SNTG2: variants seen among roughly 807,000 people sequenced by gnomAD.
SNTG2 encodes syntrophin gamma 2.
SNTG2 carries 74 observed loss-of-function variants against 70.9 expected under a neutral mutation model. That is an observed-to-expected ratio of 1.04 (90% CI 0.86 to 1.27). The LOEUF is 1.27. Among genes scored for constraint, SNTG2 ranks in the 50% most tolerant of loss-of-function variants. SNTG2 has a pLI of 0.00. For synonymous variants in SNTG2, 278 were observed against 273.8 expected (o/e 1.02, Z -0.15); for missense variants, 717 against 690.7 (o/e 1.04, Z -0.43).
intron 9 of SNTG2, among the ~76,000 whole-genome samples, chr2:1,215,808 G>A (rs182987587): frequency 6.7e-6 from 1 of 149,996 alleles, no homozygotes; most frequent in East Asian, 2.0e-4. Flanking sequence ...TGCAGTGTTT[G>A]GTTTTTTGTC....
At chr2:1,120,268 T>C (rs954944725) in intron 4 of SNTG2, among the ~76,000 whole-genome samples, 1 of 152,180 alleles carries the variant, frequency 6.6e-6, no homozygotes, top group Non-Finnish European at 1.5e-5. Context: ...TTATTACTTA[T>C]CTATCAATAA....
chr2:1,082,650 C>T, intron 1 of SNTG2, among the ~76,000 whole-genome samples: 1 of 152,220 alleles, frequency 6.6e-6, no homozygotes, highest in Non-Finnish European at 1.5e-5. Context: ...CTGGCTGCCA[C>T]CCCTGCTCCT....
chr2:1,161,844 G>GT lies in SNTG2; in HGVS notation c.412-3704_412-3703insT, dbSNP rs765252984. ...AATCCCAGCAGTTTGGGAGGCCGAGGCGGGCGGATCACGAGGTCAGGAGAT... is the reference window on the plus strand; with the variant it reads ...AATCCCAGCAGTTTGGGAGGCCGAGGTCGGGCGGATCACGAGGTCAGGAGAT... On this transcript the variant is annotated intron_variant, in intron 6 of 16. Transcript: ENST00000308624. Among the ~76,000 whole-genome samples the GT allele has an allele frequency of 9.5e-3, 1,453 of 152,256 alleles. 13 individuals are homozygous for GT. The highest frequency in any genetic ancestry group is 0.017 in the Non-Finnish European group (1,149 of 68,022).
intron 14 of SNTG2, among the ~76,000 whole-genome samples, chr2:1,299,697 C>T (rs1445178794): frequency 6.6e-6 from 1 of 152,206 alleles, no homozygotes; most frequent in African/African-American, 2.4e-5. Context: ...TGGAGCACAA[C>T]TGCAATGCTG....
Position 1,072,733 on chromosome 2 carries a change from A to T in SNTG2, c.73-10785A>T, listed in dbSNP as rs574111168. Among the ~76,000 whole-genome samples, 4 of 152,254 alleles carry T rather than the reference A, an allele frequency of 2.6e-5. No individual in the cohort carries two copies. In the East Asian group the frequency reaches 7.7e-4, roughly 29 times the overall value. On this transcript the variant is annotated intron_variant, in intron 1 of 16. Coordinates refer to ENST00000308624, the MANE Select transcript of SNTG2 (RefSeq NM_018968.4). ...TCATAAAGTTATAGCCGCCATGGAGAGTGATTCCTCTGATGGATCTGGGCA... is the reference window on the plus strand; with the variant it reads ...TCATAAAGTTATAGCCGCCATGGAGTGTGATTCCTCTGATGGATCTGGGCA...
intron 14 of SNTG2, among the ~76,000 whole-genome samples, chr2:1,302,498 A>G (rs575695477): frequency 2.0e-5 from 3 of 151,482 alleles, no homozygotes; most frequent in African/African-American, 7.3e-5. Context: ...TAAAAAGGCC[A>G]TCCAAAGAGA....
chr2:990,531 G>A (rs1661455713), intron 1 of SNTG2, among the ~76,000 whole-genome samples: 2 of 152,170 alleles, frequency 1.3e-5, no homozygotes, highest in African/African-American at 4.8e-5. Context: ...GATCACATGA[G>A]GAGGCTCAAC....
chr2:1,077,273 G>A (rs375451920), intron 1 of SNTG2, among the ~76,000 whole-genome samples: 5 of 152,144 alleles, frequency 3.3e-5, no homozygotes, highest in South Asian at 2.1e-4. Context: ...CATTCTGTGC[G>A]TTCACACACA....
In SNTG2 at chr2:1,363,046, C is replaced by T. The variant is rs534734457; in HGVS notation, c.1489-4297C>T. ...TCAGTAGAACTTCCATGAAAGTCAC[C>T]GATGCTGAGCATTTCCATAGAACTT... is the stretch of plus-strand genomic sequence containing the variant. On this transcript the variant is annotated intron_variant, in intron 16 of 16. Transcript: ENST00000308624. Among the ~76,000 whole-genome samples the T allele has an allele frequency of 3.9e-5, 6 of 152,172 alleles. No individual in the cohort carries two copies. In the East Asian group the frequency reaches 5.8e-4, roughly 15 times the overall value.
At chr2:984,394 A>C (rs1257584181) in intron 1 of SNTG2, among the ~76,000 whole-genome samples, 1 of 152,086 alleles carries the variant, frequency 6.6e-6, no homozygotes, top group Non-Finnish European at 1.5e-5. Flanking sequence ...AAGGAGGCTC[A>C]AATCTTCCAG....
intron 14 of SNTG2, among the ~76,000 whole-genome samples, chr2:1,295,180 G>A (rs1680150520): frequency 6.6e-6 from 1 of 152,156 alleles, no homozygotes; most frequent in East Asian, 1.9e-4. Context: ...GCAACTCTGA[G>A]TTTCAGTGTT....
chr2:961,942 G>A (rs1660363999), intron 1 of SNTG2, among the ~76,000 whole-genome samples: 1 of 152,198 alleles, frequency 6.6e-6, no homozygotes, highest in South Asian at 2.1e-4. Context: ...TTACTTTTTA[G>A]AACAGCAGTA....
chr2:1,138,153 C>A (rs1668514676), intron 6 of SNTG2, among the ~76,000 whole-genome samples: 1 of 152,236 alleles, frequency 6.6e-6, no homozygotes, highest in Non-Finnish European at 1.5e-5. Flanking sequence ...CAGGAGGTGT[C>A]AGGGCTTCAC....
intron 4 of SNTG2, among the ~76,000 whole-genome samples, chr2:1,098,699 T>C (rs1315747164): frequency 6.6e-6 from 1 of 152,230 alleles, no homozygotes; most frequent in Admixed American, 6.5e-5. Flanking sequence ...GTTTGAATGC[T>C]GATTTTAAGG....
chr2:1,157,924 T>G (rs1670008172), intron 6 of SNTG2, among the ~76,000 whole-genome samples: 1 of 152,216 alleles, frequency 6.6e-6, no homozygotes, highest in African/African-American at 2.4e-5. Context: ...GAGTTTGCCT[T>G]AGGCAGTTTT....
At chr2:1,093,604 T>G (rs574544871) in intron 2 of SNTG2, among the ~76,000 whole-genome samples, 2 of 152,394 alleles carry the variant, frequency 1.3e-5, no homozygotes, top group East Asian at 3.8e-4. Context: ...AAACACAAAT[T>G]GGCTGAGCCT....
In SNTG2 at chr2:1,316,447, A is replaced by AAAAATCTCCACCCCTCC. The variant is rs1183460595; in HGVS notation, c.1488+73_1488+89dup. 1.5e-4 allele frequency: 107 copies of AAAAATCTCCACCCCTCC among 723,206 alleles called. 1 individual carries two copies. The East Asian group carries it at 3.0e-3, about 21-fold the overall frequency. 44.8% of individuals were successfully genotyped at this position (723,206 alleles called of 1,614,324 possible). A position where few individuals can be genotyped will look rare whatever the true frequency, so the allele number is the denominator to read the frequency against. Reference sequence around the variant, plus strand: ...AGTACAGCTCAGAGGGTCCGCTGGTAAAAATCTCCACCCCTCCCATGCACA... The same window carrying AAAAATCTCCACCCCTCC: ...AGTACAGCTCAGAGGGTCCGCTGGTAAAAATCTCCACCCCTCCAAAATCTCCACCCCTCCCATGCACA... On this transcript the variant is annotated intron_variant, in intron 16 of 16. Transcript: ENST00000308624.
At chr2:1,074,881 G>C (rs548666207) in intron 1 of SNTG2, among the ~76,000 whole-genome samples, 75 of 152,314 alleles carry the variant, frequency 4.9e-4, no homozygotes, top group African/African-American at 1.7e-3. Context: ...TTTTAGGAAT[G>C]TATCCATTTG....
chr2:1,140,600 G>A (rs35738882), intron 6 of SNTG2, among the ~76,000 whole-genome samples: 1 of 152,184 alleles, frequency 6.6e-6, no homozygotes, highest in African/African-American at 2.4e-5. Context: ...GCCCCCACAG[G>A]CAGGGCGCAG....
Sources: gnomAD v4.1 joint callset for allele counts (sites outside exome capture counted in the v4.1 genomes callset) on GRCh38, gnomAD v4.1.1 for gene constraint, MANE v1.5 for transcripts, NCBI Gene and HGNC (gene_info 2026-07-23, HGNC 2026-07-21) for gene names.